The following CALCR variants were observed in gnomAD, a reference collection of about 807,000 sequenced individuals.
The protein encoded by CALCR is calcitonin receptor.
In CALCR, 47 loss-of-function variants were observed where a neutral mutation model predicts 59.5. The observed-to-expected ratio is 0.79, with a 90% CI of 0.63 to 1.01. CALCR has a LOEUF of 1.01. Among genes scored for constraint, CALCR ranks in the 50% least tolerant of loss-of-function variants. The pLI, the probability that CALCR is intolerant of heterozygous loss-of-function variation, is 0.00. For missense variants in CALCR, 566 were observed against 597.1 expected, an observed-to-expected ratio of 0.95 and a Z score of 0.54; for synonymous variants, 213 against 211.3, an observed-to-expected ratio of 1.01 and a Z score of -0.07.
At chr7:93,438,673 T>G (rs1285802275) in intron 9 of CALCR, among the ~76,000 whole-genome samples, 1 of 152,132 alleles carries the variant, frequency 6.6e-6, no homozygotes, top group Non-Finnish European at 1.5e-5. Flanking sequence ...CCTGGGACGG[T>G]GTATGAAAGC....
At chr7:93,438,363 A>T (rs995895219) in intron 9 of CALCR, 93 bp from the exon 10 acceptor site, 3 of 917,232 alleles carry the variant, frequency 3.3e-6, no homozygotes, top group Non-Finnish European at 5.4e-6. Flanking sequence ...TTGCAAAAAT[A>T]CTGGCAAATT....
intron 9 of CALCR, 49 bp from the exon 10 acceptor site, chr7:93,438,319 T>C (rs746537180): frequency 2.0e-4 from 275 of 1,376,180 alleles, no homozygotes; most frequent in Non-Finnish European, 2.8e-4. Context: ...GGTCATAACC[T>C]TTAAGTACAG....
At chr7:93,572,304 G>T (rs560478933) in intron 2 of CALCR, among the ~76,000 whole-genome samples, 274 of 152,048 alleles carry the variant, frequency 1.8e-3, no homozygotes, top group African/African-American at 6.2e-3. Flanking sequence ...ACATCAATGA[G>T]TTCTACCAAG....
chr7:93,432,218 A>T (rs1799673287), intron 13 of CALCR, among the ~76,000 whole-genome samples: 1 of 152,262 alleles, frequency 6.6e-6, no homozygotes, highest in African/African-American at 2.4e-5. Context: ...ATCAAAATTA[A>T]ATTGCACATA....
chr7:93,448,953 G>A (rs1800056715), intron 8 of CALCR, among the ~76,000 whole-genome samples: 1 of 151,862 alleles, frequency 6.6e-6, no homozygotes, highest in Non-Finnish European at 1.5e-5. Context: ...TTACTAGAGG[G>A]CCAAATAAAT....
chr7:93,557,379 A>G (rs902001725), intron 2 of CALCR, among the ~76,000 whole-genome samples: 4 of 151,924 alleles, frequency 2.6e-5, no homozygotes, highest in Non-Finnish European at 4.4e-5. Context: ...TAATTAACAT[A>G]TACAAGAAAA....
intron 2 of CALCR, among the ~76,000 whole-genome samples, chr7:93,520,637 AC>A (rs1256140919): frequency 2.0e-5 from 3 of 152,258 alleles, no homozygotes; most frequent in African/African-American, 7.2e-5. Context: ...AAAGAGAAAA[AC>A]ATCAACTCTA....
chr7:93,429,109 G>A (rs555168525), intron 13 of CALCR, among the ~76,000 whole-genome samples: 17 of 152,160 alleles, frequency 1.1e-4, no homozygotes, highest in African/African-American at 3.9e-4. Flanking sequence ...CTTTAATTGC[G>A]TCCAAAATTA....
intron 2 of CALCR, among the ~76,000 whole-genome samples, chr7:93,505,450 T>G (rs897955576): frequency 6.6e-6 from 1 of 152,186 alleles, no homozygotes; most frequent in Non-Finnish European, 1.5e-5. Context: ...AACCCTCATT[T>G]GAAAATGAAG....
intron 2 of CALCR, among the ~76,000 whole-genome samples, chr7:93,568,348 T>A (rs1353760564): frequency 6.6e-6 from 1 of 151,942 alleles, no homozygotes; most frequent in African/African-American, 2.4e-5. Context: ...GTGTCTCCAT[T>A]TCCTCATTTC....
At chr7:93,432,589 T>C (rs1799680743) in intron 13 of CALCR, among the ~76,000 whole-genome samples, 1 of 152,206 alleles carries the variant, frequency 6.6e-6, no homozygotes. Flanking sequence ...TCAAATGAAC[T>C]CGAGACATTC....
intron 2 of CALCR, among the ~76,000 whole-genome samples, chr7:93,569,898 G>C (rs939512771): frequency 6.7e-6 from 1 of 149,546 alleles, no homozygotes; most frequent in Non-Finnish European, 1.5e-5. Context: ...GAAAACCAAA[G>C]AAAAGCAGCT....
chr7:93,516,196 T>C (rs1801646686), intron 2 of CALCR, among the ~76,000 whole-genome samples: 1 of 151,956 alleles, frequency 6.6e-6, no homozygotes, highest in Non-Finnish European at 1.5e-5. Context: ...TGGTTTTAAT[T>C]TGGCTCTTCA....
At chr7:93,534,938 G>C (rs1171045694) in intron 2 of CALCR, among the ~76,000 whole-genome samples, 1 of 151,718 alleles carries the variant, frequency 6.6e-6, no homozygotes, top group Non-Finnish European at 1.5e-5. Context: ...ATAGAATCCA[G>C]TAGAGAGACT....
At position 93,545,677 on chromosome 7, in the gene CALCR, T is replaced by C. The variant is rs147669777; in HGVS notation, c.-27+28612A>G. Among the ~76,000 whole-genome samples the C allele has an allele frequency of 5.0e-4, 76 of 152,298 alleles. 1 individual carries two copies. The highest frequency in any genetic ancestry group is 1.8e-3 in the African/African-American group (73 of 41,564). On this transcript the variant is annotated intron_variant, in intron 2 of 13. Transcript: ENST00000426151. ...ATTACCAATTATTTTTGCTGGATTT[T>C]TGACACAGTATTAAATTTTTTTTTA...
intron 5 of CALCR, among the ~76,000 whole-genome samples, chr7:93,474,793 G>A (rs1243033487): frequency 6.6e-6 from 1 of 151,722 alleles, no homozygotes; most frequent in Non-Finnish European, 1.5e-5. Flanking sequence ...ATTTCTCAGG[G>A]AAAATATTTT....
Position 93,487,001 on chromosome 7 carries a change from C to G in CALCR, c.-20G>C. 1 of 1,551,410 alleles carries G rather than the reference C, an allele frequency of 6.4e-7. No individual in the cohort carries two copies. Among genetic ancestry groups the G allele is most frequent in the South Asian group, 1.1e-5 (1 of 88,210 alleles). On this transcript the variant is annotated 5_prime_UTR_variant, in exon 3 of 14. Transcript: ENST00000426151. ...CCTCATTTTTGATTTTTGAAGATCT[C>G]TTTGTCCTAGAAAAATATAAAAGCA...
rs12668721 is a variant in CALCR, at chr7:93,473,589, C to G, written c.317-1102G>C. On this transcript the variant is annotated intron_variant, in intron 5 of 13. Transcript: ENST00000426151. ...AGGTAACACTGGTTTGGCCCCCCCC[C>G]CTTTTTTTTTTTTTTTTTGAAATTG... 7.6e-3 allele frequency among the ~76,000 whole-genome samples: 918 copies of G among 121,150 alleles called. 11 individuals are homozygous for G. Among genetic ancestry groups the G allele is most frequent in the African/African-American group, 0.031 (867 of 28,422 alleles). The allele number at this position is 121,150 out of a possible 152,430, so 79.5% of individuals were successfully genotyped here.
chr7:93,492,791 T>C (rs1161886859), intron 2 of CALCR, among the ~76,000 whole-genome samples: 1 of 151,302 alleles, frequency 6.6e-6, no homozygotes, highest in Non-Finnish European at 1.5e-5. Flanking sequence ...TAATTTTTGA[T>C]TGGGGGATCA....
Sources: gnomAD v4.1 joint callset for allele counts (sites outside exome capture counted in the v4.1 genomes callset) on GRCh38, gnomAD v4.1.1 for gene constraint, MANE v1.5 for transcripts, NCBI Gene and HGNC (gene_info 2026-07-23, HGNC 2026-07-21) for gene names.